Variants in OPTN observed in about 807,000 individuals in gnomAD.
OPTN encodes optineurin.
A neutral mutation model predicts 70.4 loss-of-function variants in OPTN; 54 were observed. The ratio of observed to expected loss-of-function variants is 0.77; its 90% CI spans 0.62 to 0.96. OPTN has a LOEUF of 0.96. Among genes scored for constraint, OPTN ranks in the 40% least tolerant of loss-of-function variants. The pLI, the probability that OPTN is intolerant of heterozygous loss-of-function variation, is 0.00. For synonymous variants in OPTN, 256 were observed against 248.5 expected (o/e 1.03, Z -0.28); for missense variants, 624 against 673.2 (o/e 0.93, Z 0.81).
chr10:13,112,291 A>G (rs1833025431), intron 4 of OPTN, among the ~76,000 whole-genome samples, 162 bp from the exon 5 acceptor site: 1 of 148,864 alleles, frequency 6.7e-6, no homozygotes, highest in South Asian at 2.2e-4. Flanking sequence ...AATTTTTTGT[A>G]AAGATGGGGG....
At chr10:13,117,361 T>A (rs1407652490) in intron 6 of OPTN, among the ~76,000 whole-genome samples, 1 of 149,948 alleles carries the variant, frequency 6.7e-6, no homozygotes, top group Non-Finnish European at 1.5e-5. Flanking sequence ...ATTACAGGCA[T>A]GAGCCACCGC....
intron 1 of OPTN, among the ~76,000 whole-genome samples, chr10:13,102,905 G>A (rs1040447027): frequency 6.6e-6 from 1 of 151,680 alleles, no homozygotes; most frequent in Non-Finnish European, 1.5e-5. Flanking sequence ...ATTTTGCCAC[G>A]GCACTCTAGC....
intron 14 of OPTN, among the ~76,000 whole-genome samples, chr10:13,134,014 G>T (rs1185159393): frequency 6.6e-6 from 1 of 152,050 alleles, no homozygotes; most frequent in African/African-American, 2.4e-5. Context: ...TCACCGTGTT[G>T]GCCAGGCTGG....
Position 13,128,827 on chromosome 10 carries a change from G to A in OPTN, c.1401+924G>A, listed in dbSNP as rs984756259. Reference sequence around the variant, plus strand: ...CAGAGTGCTGGGATTACAGGCATGAGCCACTGCGCCTGGCCTGGCTTTTTA... The same window carrying A: ...CAGAGTGCTGGGATTACAGGCATGAACCACTGCGCCTGGCCTGGCTTTTTA... On this transcript the variant is annotated intron_variant, in intron 12 of 14. Coordinates refer to ENST00000378747, the MANE Select transcript of OPTN (RefSeq NM_001008212.2). Among the ~76,000 whole-genome samples the A allele has an allele frequency of 5.9e-5, 9 of 152,162 alleles. No homozygotes were observed. In the Middle Eastern group the frequency reaches 0.02, roughly 345 times the overall value.
chr10:13,132,706 G>A (rs1332670159), intron 13 of OPTN, among the ~76,000 whole-genome samples: 2 of 152,074 alleles, frequency 1.3e-5, no homozygotes, highest in East Asian at 3.9e-4. Flanking sequence ...GTGTCCCAAT[G>A]ACCTATCTTG....
chr10:13,125,751 T>C, intron 10 of OPTN, among the ~76,000 whole-genome samples, 184 bp downstream of exon 10: 1 of 152,218 alleles, frequency 6.6e-6, no homozygotes, highest in East Asian at 1.9e-4. Context: ...AATAAAATTA[T>C]GCTGATTGTT....
chr10:13,130,447 A>G (rs1833571274), intron 12 of OPTN, among the ~76,000 whole-genome samples: 1 of 150,420 alleles, frequency 6.6e-6, no homozygotes, highest in Non-Finnish European at 1.5e-5. Flanking sequence ...AAAAAAAAAA[A>G]AAAAAATCAG....
chr10:13,103,663 A>T (rs1832797085), intron 1 of OPTN, among the ~76,000 whole-genome samples: 1 of 152,120 alleles, frequency 6.6e-6, no homozygotes, highest in African/African-American at 2.4e-5. Flanking sequence ...CAGCAATCAG[A>T]TGTATGCTCG....
intron 4 of OPTN, among the ~76,000 whole-genome samples, chr10:13,111,844 GTTT>G (rs34942122): frequency 2.3e-5 from 2 of 87,728 alleles, no homozygotes; most frequent in South Asian, 4.2e-4. Flanking sequence ...TTTTTTGACT[GTTT>G]TTTTTTTTTT....
At chr10:13,119,775 GTT>G (rs1216247805) in intron 7 of OPTN, among the ~76,000 whole-genome samples, 5 of 152,136 alleles carry the variant, frequency 3.3e-5, no homozygotes, top group Non-Finnish European at 5.9e-5. Flanking sequence ...GTATCTCATA[GTT>G]CTGATTTGTA....
At chr10:13,125,913 C>A in intron 10 of OPTN, 33 bp from the exon 11 acceptor site, 1 of 1,470,590 alleles carries the variant, frequency 6.8e-7, no homozygotes, top group Non-Finnish European at 9.5e-7. Context: ...ATATTTTCCC[C>A]AGGATTCCAT....
In OPTN at chr10:13,115,010, T is replaced by A. The variant is rs191988110; in HGVS notation, c.553-1257T>A. ...ATATCTATATTTATATATATTTATA[T>A]ATATAGATATATCTATATTTATATA... On this transcript the variant is annotated intron_variant, in intron 5 of 14. Coordinates refer to ENST00000378747, the MANE Select transcript of OPTN (RefSeq NM_001008212.2). Among the ~76,000 whole-genome samples, 55 of 6,394 alleles carry A rather than the reference T, an allele frequency of 8.6e-3. 1 individual carries two copies. Among genetic ancestry groups the A allele is most frequent in the Middle Eastern group, 0.5 (1 of 2 alleles). The allele number at this position is 6,394 out of a possible 152,430, so 4.2% of individuals were successfully genotyped here.
chr10:13,115,926 C>T (rs911212466), intron 5 of OPTN, among the ~76,000 whole-genome samples: 1 of 152,004 alleles, frequency 6.6e-6, no homozygotes, highest in African/African-American at 2.4e-5. Context: ...GTCACCAGCT[C>T]TGTATGACCT....
rs544786009 is a variant in OPTN at position 13,107,603 on chromosome 10, G to A, written c.-163-535G>A. Among the ~76,000 whole-genome samples the A allele has an allele frequency of 2.0e-5, 3 of 151,734 alleles. 1 individual carries two copies. The East Asian group carries it at 6.0e-4, about 30-fold the overall frequency. ...TCACCGTGTTAGCCAGGATGGTCTCGATCTCCTGACCTCGTAATCTGCCCG... is the reference window on the plus strand; with the variant it reads ...TCACCGTGTTAGCCAGGATGGTCTCAATCTCCTGACCTCGTAATCTGCCCG... On this transcript the variant is annotated intron_variant, in intron 1 of 14. Transcript: ENST00000378747.
At chr10:13,117,507 G>A (rs187612871) in intron 6 of OPTN, among the ~76,000 whole-genome samples, 1 of 146,630 alleles carries the variant, frequency 6.8e-6, no homozygotes, top group Admixed American at 6.9e-5. Flanking sequence ...GTGAAGTGGC[G>A]CAATCTCAGC....
At chr10:13,110,608 G>A (rs1329430066) in intron 4 of OPTN, 132 bp downstream of exon 4, 3 of 902,804 alleles carry the variant, frequency 3.3e-6, no homozygotes, top group South Asian at 1.5e-5. Flanking sequence ...GCCTGGTCTT[G>A]GAAGAAGTGC....
intron 3 of OPTN, 86 bp downstream of exon 3, chr10:13,109,374 T>A (rs1284069931): frequency 7.3e-7 from 1 of 1,372,706 alleles, no homozygotes; most frequent in East Asian, 2.3e-5. Flanking sequence ...GGTGGTGAGC[T>A]CCCTTCTCCC....
At chr10:13,114,558 G>A (rs78817894) in intron 5 of OPTN, among the ~76,000 whole-genome samples, 4,819 of 150,968 alleles carry the variant, frequency 0.032, 166 homozygotes, top group African/African-American at 0.081. Context: ...TTTTGCATGC[G>A]TTTCTTCTGT....
Position 13,125,584 on chromosome 10 carries a change from A to G in OPTN, c.1148+17A>G. 6.2e-7 allele frequency: 1 copy of G among 1,614,122 alleles called. No individual in the cohort carries two copies. The highest frequency in any genetic ancestry group is 1.1e-5 in the South Asian group (1 of 91,060). On this transcript the variant is annotated intron_variant, in intron 10 of 14. Transcript: ENST00000378747. Reference sequence around the variant, plus strand: ...GGATGAAAAGTGAGTATGTTGAGTCAGAAGGGCAGCGACGGGGCAGAGGAG... The same window carrying G: ...GGATGAAAAGTGAGTATGTTGAGTCGGAAGGGCAGCGACGGGGCAGAGGAG...
Sources: gnomAD v4.1 joint callset for allele counts (sites outside exome capture counted in the v4.1 genomes callset) on GRCh38, gnomAD v4.1.1 for gene constraint, MANE v1.5 for transcripts, NCBI Gene and HGNC (gene_info 2026-07-23, HGNC 2026-07-21) for gene names.